The following RARB variants were observed in gnomAD, a reference collection of about 807,000 sequenced individuals.
RARB encodes the protein HBV-activated protein.
In RARB, 17 loss-of-function variants were observed where a neutral mutation model predicts 51.9. That is an observed-to-expected ratio of 0.33 (90% CI 0.22 to 0.49). The LOEUF is 0.49. RARB is among the 20% of genes least tolerant of loss of function. The pLI is 0.99. For synonymous variants in RARB, 215 were observed against 195.4 expected (o/e 1.10, Z -0.84); for missense variants, 369 against 550.8 (o/e 0.67, Z 3.30).
chr3:25,540,426 G>A (rs1699328211), intron 3 of RARB, among the ~76,000 whole-genome samples: 1 of 152,180 alleles, frequency 6.6e-6, no homozygotes, highest in African/African-American at 2.4e-5. Context: ...TTCCCAACTA[G>A]CTAAACTCTC....
At chr3:25,148,586 T>C (rs997607472) in intron 4 of RARB, among the ~76,000 whole-genome samples, 2 of 152,198 alleles carry the variant, frequency 1.3e-5, no homozygotes, top group African/African-American at 4.8e-5. Flanking sequence ...CGCTGTACTT[T>C]TATGGAAGCG....
At chr3:24,999,006 T>C (rs1190113173) in intron 2 of RARB, among the ~76,000 whole-genome samples, 1 of 152,074 alleles carries the variant, frequency 6.6e-6, no homozygotes, top group Non-Finnish European at 1.5e-5. Context: ...ATTTAAGCAA[T>C]AATATATGAG....
intron 1 of RARB, among the ~76,000 whole-genome samples, chr3:25,456,678 T>TAG (rs1258830394): frequency 1.9e-3 from 213 of 110,244 alleles, no homozygotes; most frequent in East Asian, 6.3e-3. Context: ...TATATATATA[T>TAG]ATATAGAGAG....
intron 1 of RARB, chr3:25,441,391 G>A: frequency 4.1e-6 from 1 of 243,424 alleles, no homozygotes; most frequent in Non-Finnish European, 8.6e-6. Context: ...ATTTCACGGA[G>A]TACCCCAGTC....
intron 3 of RARB, among the ~76,000 whole-genome samples, chr3:25,122,819 C>G (rs532694261): frequency 6.6e-6 from 1 of 152,260 alleles, no homozygotes; most frequent in East Asian, 1.9e-4. Flanking sequence ...ACAGAATATT[C>G]TCACATTTCC....
chr3:25,309,309 T>G (rs546359451), intron 5 of RARB, among the ~76,000 whole-genome samples: 135 of 95,718 alleles, frequency 1.4e-3, no homozygotes, highest in Non-Finnish European at 6.6e-4. Context: ...TAATTTTTTG[T>G]TTTTTTTTTT....
chr3:25,270,958 C>T (rs1703243970), intron 5 of RARB, among the ~76,000 whole-genome samples: 1 of 152,248 alleles, frequency 6.6e-6, no homozygotes, highest in Non-Finnish European at 1.5e-5. Flanking sequence ...GCATTTATTC[C>T]TGTGTTCTCT....
chr3:25,296,103 G>A (rs1316824388), intron 5 of RARB, among the ~76,000 whole-genome samples: 5 of 152,124 alleles, frequency 3.3e-5, no homozygotes, highest in Non-Finnish European at 5.9e-5. Context: ...TTACATAATA[G>A]AATGAGCCCT....
intron 2 of RARB, among the ~76,000 whole-genome samples, chr3:25,461,591 T>C (rs1695185948): frequency 6.6e-6 from 1 of 152,170 alleles, no homozygotes; most frequent in Admixed American, 6.5e-5. Flanking sequence ...AATAATTCCT[T>C]TTAGATAATA....
intron 5 of RARB, among the ~76,000 whole-genome samples, chr3:25,179,003 A>T (rs552484606): frequency 6.6e-6 from 1 of 152,304 alleles, no homozygotes; most frequent in South Asian, 2.1e-4. Context: ...AAATGATCTT[A>T]GTTTAACTCC....
intron 4 of RARB, among the ~76,000 whole-genome samples, chr3:25,168,620 T>G (rs1700596070): frequency 6.6e-6 from 1 of 152,182 alleles, no homozygotes; most frequent in Non-Finnish European, 1.5e-5. Flanking sequence ...GAAAAACTTT[T>G]AGATGTTAAA....
chr3:25,224,139 A>G (rs192991407), intron 5 of RARB, among the ~76,000 whole-genome samples: 25 of 152,310 alleles, frequency 1.6e-4, no homozygotes, highest in African/African-American at 5.8e-4. Flanking sequence ...CTCAATTCAT[A>G]CAACATTTGG....
At chr3:25,259,799 C>G (rs749127943) in intron 5 of RARB, 2 of 576,708 alleles carry the variant, frequency 3.5e-6, no homozygotes, top group East Asian at 1.4e-4. Context: ...ATGCATGACC[C>G]AAAGTCATCT....
At chr3:25,396,356 T>C (rs933877139) in intron 5 of RARB, among the ~76,000 whole-genome samples, 8 of 152,120 alleles carry the variant, frequency 5.3e-5, no homozygotes, top group Non-Finnish European at 7.4e-5. Context: ...AGCCGTGGAG[T>C]TGTCATGTGG....
At chr3:25,340,483 G>T (rs370273598) in intron 5 of RARB, among the ~76,000 whole-genome samples, 137 of 152,244 alleles carry the variant, frequency 9.0e-4, no homozygotes, top group African/African-American at 3.2e-3. Flanking sequence ...ATAGGAATGC[G>T]TATTCTTATC....
At chr3:25,271,082 A>G (rs1192506056) in intron 5 of RARB, among the ~76,000 whole-genome samples, 1 of 152,250 alleles carries the variant, frequency 6.6e-6, no homozygotes, top group African/African-American at 2.4e-5. Flanking sequence ...ATTGGCAATT[A>G]GAACATAAGT....
chr3:25,138,336 T>G (rs1271968356), intron 4 of RARB, among the ~76,000 whole-genome samples: 2 of 96,830 alleles, frequency 2.1e-5, no homozygotes, highest in East Asian at 2.7e-4. Flanking sequence ...TATAATTGAG[T>G]TTTTTTTTTT....
At chr3:25,237,143 T>C (rs990536779) in intron 5 of RARB, among the ~76,000 whole-genome samples, 1 of 152,112 alleles carries the variant, frequency 6.6e-6, no homozygotes, top group Non-Finnish European at 1.5e-5. Context: ...TTAAAAGCTT[T>C]CTTGCATTAA....
chr3:25,341,609 TATTTAA>T, intron 5 of RARB, among the ~76,000 whole-genome samples: 1 of 152,172 alleles, frequency 6.6e-6, no homozygotes. Context: ...TCCAAGTCTT[TATTTAA>T]ATCAGTAGTT....
Sources: gnomAD v4.1 joint callset for allele counts (sites outside exome capture counted in the v4.1 genomes callset) on GRCh38, gnomAD v4.1.1 for gene constraint, MANE v1.5 for transcripts, NCBI Gene and HGNC (gene_info 2026-07-23, HGNC 2026-07-21) for gene names.